The following CSTPP1 variants were observed in gnomAD, a reference collection of about 807,000 sequenced individuals.
CSTPP1 encodes centriolar satellite-associated tubulin polyglutamylase complex regulator 1, also known as UPF0705 protein C11orf49.
the CSTPP1 span, among the ~76,000 whole-genome samples, chr11:47,126,889 C>T: frequency 6.5e-5 from 9 of 138,472 alleles, no homozygotes; most frequent in African/African-American, 8.2e-5. Flanking sequence ...GCCAACATGA[C>T]GCCACCGCAC....
chr11:46,968,697 G>A, the CSTPP1 span, among the ~76,000 whole-genome samples: 2 of 151,682 alleles, frequency 1.3e-5, no homozygotes, highest in African/African-American at 2.4e-5. Flanking sequence ...TCAGGAGTTC[G>A]AGACCAGCCT....
the CSTPP1 span, among the ~76,000 whole-genome samples, chr11:47,137,117 C>T: frequency 6.6e-6 from 1 of 152,208 alleles, no homozygotes; most frequent in African/African-American, 2.4e-5. Flanking sequence ...AAGAAGCCAG[C>T]CTGCTGCAGT....
chr11:47,052,202 G>A, the CSTPP1 span: 667 of 595,990 alleles, frequency 1.1e-3, 3 homozygotes, highest in African/African-American at 5.2e-3. Flanking sequence ...AAGAGTTTTC[G>A]GAAAGGTATG....
chr11:47,000,432 G>C, the CSTPP1 span, among the ~76,000 whole-genome samples: 16 of 152,124 alleles, frequency 1.1e-4, no homozygotes, highest in Admixed American at 3.9e-4. Context: ...TACTAATATA[G>C]AAAAGAATAA....
the CSTPP1 span, among the ~76,000 whole-genome samples, chr11:47,076,731 G>A: frequency 6.6e-6 from 1 of 151,996 alleles, no homozygotes; most frequent in Non-Finnish European, 1.5e-5. Flanking sequence ...CTACTCGGGA[G>A]ACTGAGGCAC....
the CSTPP1 span, among the ~76,000 whole-genome samples, chr11:46,996,604 C>G: frequency 2.0e-5 from 3 of 152,148 alleles, no homozygotes; most frequent in African/African-American, 7.2e-5. Context: ...TTGATCCTGT[C>G]ATTATGATGT....
the CSTPP1 span, among the ~76,000 whole-genome samples, chr11:47,021,784 T>C: frequency 6.6e-6 from 1 of 152,218 alleles, no homozygotes; most frequent in Non-Finnish European, 1.5e-5. Flanking sequence ...TTCCGGCTAG[T>C]AAAATGCAAG....
chr11:47,051,461 C>T, the CSTPP1 span, among the ~76,000 whole-genome samples: 1 of 152,162 alleles, frequency 6.6e-6, no homozygotes, highest in African/African-American at 2.4e-5. Context: ...GGCTTTGCTT[C>T]ATACTCTCAT....
At chr11:46,969,069 G>A in the CSTPP1 span, among the ~76,000 whole-genome samples, 2 of 152,110 alleles carry the variant, frequency 1.3e-5, no homozygotes, top group African/African-American at 4.8e-5. Flanking sequence ...GGATATTCTT[G>A]TCTTACAGAA....
At chr11:46,976,553 C>G in the CSTPP1 span, among the ~76,000 whole-genome samples, 1 of 152,122 alleles carries the variant, frequency 6.6e-6, no homozygotes, top group African/African-American at 2.4e-5. Context: ...CTTCAATTTC[C>G]TCTGCTATAA....
At chr11:46,953,208 T>C in the CSTPP1 span, among the ~76,000 whole-genome samples, 1 of 152,058 alleles carries the variant, frequency 6.6e-6, no homozygotes, top group Admixed American at 6.6e-5. Context: ...TTTTGCTGGA[T>C]TGAAGAGTAA....
At chr11:47,004,326 C>A in the CSTPP1 span, 1 of 149,510 alleles carries the variant, frequency 6.7e-6, no homozygotes, top group Non-Finnish European at 1.5e-5. Context: ...CAGGTGCGTG[C>A]CACCATACCC....
chr11:47,019,003 C>A, the CSTPP1 span, among the ~76,000 whole-genome samples: 5 of 151,826 alleles, frequency 3.3e-5, no homozygotes, highest in African/African-American at 1.2e-4. Context: ...ATATACAGAG[C>A]AAAAGTTTAT....
At chr11:47,086,662 T>C in the CSTPP1 span, among the ~76,000 whole-genome samples, 19 of 152,306 alleles carry the variant, frequency 1.2e-4, no homozygotes, top group Non-Finnish European at 2.4e-4. Context: ...AGTAAAATGA[T>C]GTTAGGCAAG....
the CSTPP1 span, among the ~76,000 whole-genome samples, chr11:47,032,422 C>T: frequency 6.6e-6 from 1 of 151,994 alleles, no homozygotes; most frequent in Non-Finnish European, 1.5e-5. Context: ...GTGTATGGCA[C>T]ATAGATGATT....
the CSTPP1 span, chr11:47,162,047 A>G: frequency 6.0e-6 from 6 of 992,808 alleles, no homozygotes; most frequent in East Asian, 5.5e-4. Context: ...GCCTTGCACC[A>G]TCAAGGGTGA....
the CSTPP1 span, among the ~76,000 whole-genome samples, chr11:46,996,291 T>A: frequency 6.9e-6 from 1 of 144,552 alleles, no homozygotes; most frequent in Non-Finnish European, 1.5e-5. Flanking sequence ...AAGGTTAATA[T>A]TGTTTTTTAT....
chr11:47,118,034 C>T, the CSTPP1 span, among the ~76,000 whole-genome samples: 1 of 151,902 alleles, frequency 6.6e-6, no homozygotes, highest in South Asian at 2.1e-4. Flanking sequence ...TGCCTGCCAC[C>T]ACGCCCAGCT....
the CSTPP1 span, among the ~76,000 whole-genome samples, chr11:47,159,030 T>C: frequency 1.3e-5 from 2 of 152,228 alleles, no homozygotes; most frequent in African/African-American, 2.4e-5. Flanking sequence ...TTATATTTTT[T>C]ATCTTACACA....
Sources: gnomAD v4.1 joint callset for allele counts (sites outside exome capture counted in the v4.1 genomes callset) on GRCh38, gnomAD v4.1.1 for gene constraint, MANE v1.5 for transcripts, NCBI Gene and HGNC (gene_info 2026-07-23, HGNC 2026-07-21) for gene names.